Variants in C17orf113 observed in about 807,000 individuals in gnomAD.
The protein encoded by C17orf113 is chromosome 17 open reading frame 113.
In C17orf113, 5 loss-of-function variants were observed where a neutral mutation model predicts 11.6. The ratio of observed to expected loss-of-function variants is 0.43; its 90% CI spans 0.23 to 0.91. The LOEUF is 0.91. Ranked by LOEUF, C17orf113 falls within the 40% of genes least tolerant of loss-of-function variation. C17orf113 has a pLI of 0.26. For missense variants in C17orf113, 714 were observed against 841.3 expected (o/e 0.85, Z 1.87); for synonymous variants, 327 against 390.6 (o/e 0.84, Z 1.92).
At chr17:42,048,968 T>G (rs2053228709) in intron 1 of C17orf113, among the ~76,000 whole-genome samples, 1 of 151,744 alleles carries the variant, frequency 6.6e-6, no homozygotes, top group Non-Finnish European at 1.5e-5. Flanking sequence ...AAAATACTGC[T>G]TTAGACCCCT....
chr17:42,040,464 C>G lies in C17orf113; in HGVS notation c.1269G>C (p.Pro423=), dbSNP rs1454826099. The change falls in exon 3 of 3, where the codon CCG becomes CCC. Residue 423 remains proline (P), a synonymous_variant. Coordinates refer to ENST00000587304, the MANE Select transcript of C17orf113 (RefSeq NM_001358661.2). Reference sequence around the variant, plus strand: ...CCAGAGGCTGCAGCAAGGCCAAGTCCGGCTCTTCTGCCTGCAGGACAAGGG... The same window carrying G: ...CCAGAGGCTGCAGCAAGGCCAAGTCGGGCTCTTCTGCCTGCAGGACAAGGG... ...KLSLVLQAEE[P]DLALLQPLVM... is the part of the protein sequence containing the mutation. 19 of 1,232,210 alleles carry G rather than the reference C, an allele frequency of 1.5e-5. No homozygotes were observed. Among genetic ancestry groups the G allele is most frequent in the Non-Finnish European group, 1.9e-5 (19 of 988,024 alleles). 76.3% of individuals were successfully genotyped at this position (1,232,210 alleles called of 1,614,324 possible).
chr17:42,047,888 C>T (rs1437002788), intron 1 of C17orf113, among the ~76,000 whole-genome samples: 2 of 151,634 alleles, frequency 1.3e-5, no homozygotes, highest in East Asian at 2.0e-4. Flanking sequence ...CTCCTGACCT[C>T]GTGATCTGCC....
At chr17:42,047,248 G>A (rs1321786830) in intron 1 of C17orf113, among the ~76,000 whole-genome samples, 1 of 152,052 alleles carries the variant, frequency 6.6e-6, no homozygotes, top group African/African-American at 2.4e-5. Flanking sequence ...TAGCCAGGAT[G>A]GTCTTGATCT....
chr17:42,049,410 ACTT>A (rs1567989243), intron 1 of C17orf113, among the ~76,000 whole-genome samples: 2 of 152,046 alleles, frequency 1.3e-5, no homozygotes, highest in South Asian at 4.1e-4. Flanking sequence ...AAGGTAACTA[ACTT>A]CTTCATGTCT....
At position 42,041,093 on chromosome 17, in the gene C17orf113, C is replaced by T. The variant is rs2053007705; in HGVS notation, c.640G>A (p.Glu214Lys). Residue 214 changes from glutamate (E) to lysine (K), a missense_variant, in exon 3 of 3, where the codon GAG becomes AAG. Physicochemically the swap from Glu to Lys is moderately conservative, Grantham distance 56. Transcript: ENST00000587304. ...GCAAACAGGGCCAGGCTGTGTGACT[C>T]CGGCCAGTCTCTGGTCTCGTCCAAC... ...LVLDETRDWP[E>K]SHSLALFATS... 1 of 1,232,218 alleles carries T rather than the reference C, an allele frequency of 8.1e-7. No individual in the cohort carries two copies. Among genetic ancestry groups the T allele is most frequent in the African/African-American group, 1.6e-5 (1 of 64,434 alleles). 76.3% of individuals were successfully genotyped at this position (1,232,218 alleles called of 1,614,324 possible).
rs193198810 is a variant in C17orf113, at chr17:42,043,190, C to T, written c.187G>A (p.Ala63Thr). 1.1e-4 allele frequency: 139 copies of T among 1,232,236 alleles called. No homozygotes were observed. The African/African-American group carries it at 1.9e-3, about 16-fold the overall frequency. 76.3% of individuals were successfully genotyped at this position (1,232,236 alleles called of 1,614,324 possible). Residue 63 changes from alanine to threonine, a missense_variant, in exon 2 of 3, where the codon GCC (alanine) becomes ACC (threonine). By Grantham distance (58) the Ala-to-Thr change is moderately conservative (BLOSUM62 0). Around this residue, in one of 3 missense-constraint regions of C17orf113, gnomAD observed 516 missense variants for 626.6 expected, o/e 0.82. Coordinates refer to ENST00000587304, the MANE Select transcript of C17orf113 (RefSeq NM_001358661.2). ...AAGTTGTCTGTGCCCACAGTGAAGG[C>T]GTTTTCGGCTTTGCCATGCTTGTTC... ...VRNKHGKAEN[A>T]FTVGTDNFQR...
At chr17:42,047,931 G>A (rs1333020346) in intron 1 of C17orf113, among the ~76,000 whole-genome samples, 1 of 152,116 alleles carries the variant, frequency 6.6e-6, no homozygotes, top group African/African-American at 2.4e-5. Context: ...GGGATTATAG[G>A]TGTGAGCCAC....
chr17:42,047,490 T>C (rs2053190310), intron 1 of C17orf113, among the ~76,000 whole-genome samples: 1 of 152,006 alleles, frequency 6.6e-6, no homozygotes, highest in African/African-American at 2.4e-5. Flanking sequence ...GCTCTGAGAC[T>C]GCAGTAACTG....
rs905593220 is a variant in C17orf113, at chr17:42,039,923, C to A, written c.1810G>T (p.Ala604Ser). Residue 604 changes from alanine (A) to serine (S), a missense_variant, in exon 3 of 3, where the codon GCT becomes TCT. Physicochemically the swap from Ala to Ser is moderately conservative, Grantham distance 99. This residue lies in a region of C17orf113 where 194 missense variants were observed against 197.2 expected (regional missense o/e 0.98). Coordinates refer to ENST00000587304, the MANE Select transcript of C17orf113 (RefSeq NM_001358661.2). Reference sequence around the variant, plus strand: ...CCAGCGCCCGCGGGCAGCGCCAAAGCCAAGGCGGCTAGGGCGGCGAAGTCG... The same window carrying A: ...CCAGCGCCCGCGGGCAGCGCCAAAGACAAGGCGGCTAGGGCGGCGAAGTCG... The part of the protein sequence containing the change: ...FPDFAALAAL[A>S]LALPAGAGLL... 2 of 1,231,264 alleles carry A rather than the reference C, an allele frequency of 1.6e-6. No homozygotes were observed. Among genetic ancestry groups the A allele is most frequent in the Non-Finnish European group, 1.0e-6 (1 of 987,604 alleles). The allele number at this position is 1,231,264 out of a possible 1,614,324, so 76.3% of individuals were successfully genotyped here. A position where few individuals can be genotyped will look rare whatever the true frequency, so the allele number is the denominator to read the frequency against.
intron 1 of C17orf113, 24 bp from the exon 2 acceptor site, chr17:42,043,587 AG>A: frequency 2.5e-6 from 1 of 396,048 alleles, no homozygotes; most frequent in Non-Finnish European, 4.4e-6. Context: ...AGACAGGCAG[AG>A]GTGTTAGGGG....
chr17:42,041,278 G>C (rs1196566105), intron 2 of C17orf113, 89 bp from the exon 3 acceptor site: 3 of 1,128,250 alleles, frequency 2.7e-6, no homozygotes, highest in African/African-American at 1.6e-5. Flanking sequence ...GGTGGAAAGA[G>C]CCCAGGCCTT....
intron 1 of C17orf113, among the ~76,000 whole-genome samples, chr17:42,048,941 CAA>C (rs59106537): frequency 0.72 from 104,039 of 144,782 alleles, 39,320 homozygotes; most frequent in Non-Finnish European, 0.84. Context: ...GACTCCATCT[CAA>C]AAAAAAAAAA....
Position 42,043,182 on chromosome 17 carries a change from A to G in C17orf113, c.195T>C (p.Thr65=). 2 of 1,232,198 alleles carry G rather than the reference A, an allele frequency of 1.6e-6. No individual in the cohort carries two copies. Among genetic ancestry groups the G allele is most frequent in the Non-Finnish European group, 2.0e-6 (2 of 987,994 alleles). 76.3% of individuals were successfully genotyped at this position (1,232,198 alleles called of 1,614,324 possible). A position where few individuals can be genotyped will look rare whatever the true frequency, so the allele number is the denominator to read the frequency against. ...NKHGKAENAF[T]VGTDNFQRHA... ...GGCGCTGGAAGTTGTCTGTGCCCAC[A>G]GTGAAGGCGTTTTCGGCTTTGCCAT... is the stretch of plus-strand genomic sequence containing the variant. Residue 65 remains threonine, a synonymous_variant, in exon 2 of 3, where the codon ACT becomes ACC. Coordinates refer to ENST00000587304, the MANE Select transcript of C17orf113 (RefSeq NM_001358661.2).
At chr17:42,048,691 A>G (rs1174873395) in intron 1 of C17orf113, among the ~76,000 whole-genome samples, 1 of 152,028 alleles carries the variant, frequency 6.6e-6, no homozygotes, top group Non-Finnish European at 1.5e-5. Context: ...TGCTCCATCC[A>G]TAGGTCTTGT....
chr17:42,040,893 A>G lies in C17orf113; in HGVS notation c.840T>C (p.Ser280=). The G allele has an allele frequency of 8.1e-7, 1 of 1,232,030 alleles. No individual in the cohort carries two copies. The allele number at this position is 1,232,030 out of a possible 1,614,324, so 76.3% of individuals were successfully genotyped here. The part of the protein sequence containing the change: ...SSSLPSERLG[S]VGPQLRATCP... The stretch of plus-strand genomic sequence containing the variant: ...AAGTGGCCCGGAGCTGTGGGCCCAC[A>G]CTCCCCAGGCGCTCACTGGGGAGGC... Residue 280 remains serine, a synonymous_variant, in exon 3 of 3, where the codon AGT becomes AGC. Coordinates refer to ENST00000587304, the MANE Select transcript of C17orf113 (RefSeq NM_001358661.2).
rs1308128609 is a variant in C17orf113, at chr17:42,040,034, C to T, written c.1699G>A (p.Val567Ile). ...ALGDFALFKR[V>I]VFGLGRLGPR... ...CCGAGCCGCCCAAGGCCGAATACTA[C>T]GCGCTTAAACAGCGCGAAGTCGCCC... Residue 567 changes from valine (V) to isoleucine (I), a missense_variant, in exon 3 of 3, where the codon GTA becomes ATA. Around this residue, in one of 3 missense-constraint regions of C17orf113, gnomAD observed 194 missense variants for 197.2 expected, o/e 0.98. Coordinates refer to ENST00000587304, the MANE Select transcript of C17orf113 (RefSeq NM_001358661.2). 3.2e-6 allele frequency: 4 copies of T among 1,231,090 alleles called. No individual in the cohort carries two copies. Among genetic ancestry groups the T allele is most frequent in the Non-Finnish European group, 3.0e-6 (3 of 987,488 alleles). 76.3% of individuals were successfully genotyped at this position (1,231,090 alleles called of 1,614,324 possible).
At chr17:42,047,680 G>A (rs1174700271) in intron 1 of C17orf113, among the ~76,000 whole-genome samples, 1 of 151,672 alleles carries the variant, frequency 6.6e-6, no homozygotes, top group Non-Finnish European at 1.5e-5. Flanking sequence ...TCGAGACAGA[G>A]TCTTGCTCTG....
chr17:42,041,170 A>G lies in C17orf113; in HGVS notation c.563T>C (p.Leu188Ser). Residue 188 changes from leucine to serine, a missense_variant, in exon 3 of 3, where the codon TTG (leucine) becomes TCG (serine). Leu to Ser is a moderately radical substitution (Grantham distance 145, BLOSUM62 -2). This residue lies in a region of C17orf113 where 516 missense variants were observed against 626.6 expected (regional missense o/e 0.82). Transcript: ENST00000587304. ...CAGGCGCTGGCAGGCCTCTGTGTGC[A>G]AGACACTGGCAATGGCCACCTGGGA... ...RDMQVAIASV[L>S]HTEACQRLKA... 8.1e-7 allele frequency: 1 copy of G among 1,232,482 alleles called. No homozygotes were observed. Among genetic ancestry groups the G allele is most frequent in the East Asian group, 3.2e-5 (1 of 31,706 alleles). The allele number at this position is 1,232,482 out of a possible 1,614,324, so 76.3% of individuals were successfully genotyped here.
Position 42,039,844 on chromosome 17 carries a change from C to T in C17orf113, c.1889G>A (p.Gly630Glu). Residue 630 changes from glycine to glutamate, a missense_variant, in exon 3 of 3, where the codon GGG becomes GAG. Gly to Glu is a moderately conservative substitution (Grantham distance 98). This residue lies in a region of C17orf113 where 194 missense variants were observed against 197.2 expected (regional missense o/e 0.98). Transcript: ENST00000587304. The part of the protein sequence containing the change: ...SRELRWWGQS[G>E]AGEGRGGHMV... ...GTGGCCCCCCCGGCCTTCCCCGGCC[C>T]CACTCTGCCCCCACCACCGCAGCTC... The T allele has an allele frequency of 8.1e-7, 1 of 1,231,850 alleles. No individual in the cohort carries two copies. Among genetic ancestry groups the T allele is most frequent in the Non-Finnish European group, 1.0e-6 (1 of 987,950 alleles). 76.3% of individuals were successfully genotyped at this position (1,231,850 alleles called of 1,614,324 possible).
Sources: allele counts gnomAD v4.1 joint callset (sites outside exome capture counted in the v4.1 genomes callset), GRCh38; gene constraint gnomAD v4.1.1; regional missense constraint gnomAD v4.1.1; transcripts MANE v1.5; gene names NCBI Gene and HGNC (gene_info 2026-07-23, HGNC 2026-07-21).